C6: variants seen among roughly 807,000 people sequenced by gnomAD.
C6 encodes complement component C6.
In C6, 101 loss-of-function variants were observed where a neutral mutation model predicts 112.9. That is an observed-to-expected ratio of 0.89 (90% CI 0.76 to 1.06). C6 has a LOEUF of 1.06. Among genes scored for constraint, C6 ranks in the 50% least tolerant of loss-of-function variants. The probability of loss-of-function intolerance (pLI) is 0.00; values close to 1 mark genes in which losing one functional copy is unlikely to be tolerated. For synonymous variants in C6, 431 were observed against 384.1 expected, an observed-to-expected ratio of 1.12 and a Z score of -1.43; for missense variants, 1,202 against 1,104.6, an observed-to-expected ratio of 1.09 and a Z score of -1.25.
chr5:41,257,317 TC>T (rs1261685526), intron 1 of C6, among the ~76,000 whole-genome samples: 1 of 152,138 alleles, frequency 6.6e-6, no homozygotes, highest in African/African-American at 2.4e-5. Flanking sequence ...GATAATGACC[TC>T]CAGCTACATT....
chr5:41,246,231 C>T (rs1485688313), intron 1 of C6, among the ~76,000 whole-genome samples: 2 of 152,138 alleles, frequency 1.3e-5, no homozygotes, highest in African/African-American at 4.8e-5. Flanking sequence ...GGATTCCATG[C>T]CTCTTGGCTT....
At chr5:41,166,269 G>C (rs551349619) in intron 9 of C6, among the ~76,000 whole-genome samples, 5 of 152,176 alleles carry the variant, frequency 3.3e-5, no homozygotes, top group Middle Eastern at 3.4e-3. Flanking sequence ...GCCCTGTTTT[G>C]TATGGACTAA....
Position 41,155,002 on chromosome 5 carries a change from T to C in C6, c.2071A>G (p.Thr691Ala). ...YQYFRCLPDG[T>A]WRQGDVECQR... ...CATTCCACATCCCCTTGTCTCCAGG[T>C]CCCGTCTGGTAAGCATCTGAAGTAC... Residue 691 changes from threonine (T) to alanine (A), a missense_variant, in exon 14 of 18, where the codon ACC becomes GCC. Physicochemically the swap from Thr to Ala is moderately conservative, Grantham distance 58 (BLOSUM62 0). Coordinates refer to ENST00000337836, the MANE Select transcript of C6 (RefSeq NM_000065.5). 1 of 1,613,812 alleles carries C rather than the reference T, an allele frequency of 6.2e-7. No homozygotes were observed. Among genetic ancestry groups the C allele is most frequent in the Non-Finnish European group, 8.5e-7 (1 of 1,179,784 alleles).
At chr5:41,222,057 T>C (rs1739204502) in intron 1 of C6, among the ~76,000 whole-genome samples, 4 of 151,638 alleles carry the variant, frequency 2.6e-5, no homozygotes, top group Admixed American at 2.6e-4. Context: ...TCTCAGTTAC[T>C]TGGGAGGCTG....
chr5:41,231,213 G>A (rs1293932225), intron 1 of C6, among the ~76,000 whole-genome samples: 1 of 152,058 alleles, frequency 6.6e-6, no homozygotes, highest in Admixed American at 6.6e-5. Flanking sequence ...ATTATTGAAA[G>A]ATAAGGATTT....
In C6 at chr5:41,199,662, T is replaced by C; in HGVS notation, c.445+106A>G. On this transcript the variant is annotated intron_variant, in intron 4 of 17. Coordinates refer to ENST00000337836, the MANE Select transcript of C6 (RefSeq NM_000065.5). ...TTCCCATTCCACTCTGCTTAAAATG[T>C]GGTGGGATTTCTCTGTGATGGATTC... The C allele has an allele frequency of 8.2e-6, 9 of 1,095,694 alleles. No individual in the cohort carries two copies. In the South Asian group the frequency reaches 1.1e-4, roughly 14 times the overall value. The allele number at this position is 1,095,694 out of a possible 1,614,324, so 67.9% of individuals were successfully genotyped here.
chr5:41,172,372 AC>A, intron 8 of C6, 25 bp from the exon 9 acceptor site: 1 of 1,612,078 alleles, frequency 6.2e-7, no homozygotes, highest in Non-Finnish European at 8.5e-7. Flanking sequence ...ACAAACAGAA[AC>A]CACTGAGAAT....
intron 7 of C6, among the ~76,000 whole-genome samples, chr5:41,180,005 T>C (rs944177915): frequency 6.6e-5 from 10 of 152,124 alleles, no homozygotes; most frequent in Non-Finnish European, 1.2e-4. Flanking sequence ...GTTCGTTGAA[T>C]TAAAAATGCG....
At chr5:41,223,326 T>TA (rs1561187440) in intron 1 of C6, among the ~76,000 whole-genome samples, 1 of 152,180 alleles carries the variant, frequency 6.6e-6, no homozygotes, top group Non-Finnish European at 1.5e-5. Flanking sequence ...TGTACTTGAA[T>TA]AAAAATGCTT....
At chr5:41,260,900 G>T (rs1742017170) in intron 1 of C6, among the ~76,000 whole-genome samples, 1 of 152,122 alleles carries the variant, frequency 6.6e-6, no homozygotes, top group Non-Finnish European at 1.5e-5. Context: ...ATGAAAACAT[G>T]AACAAGTTAG....
intron 17 of C6, among the ~76,000 whole-genome samples, chr5:41,146,912 G>A (rs1314043595): frequency 6.6e-6 from 1 of 151,066 alleles, no homozygotes; most frequent in African/African-American, 2.4e-5. Flanking sequence ...GCAAAAAAAG[G>A]GAAGATAGCA....
chr5:41,216,912 G>A (rs1752215284), upstream of C6, among the ~76,000 whole-genome samples: 1 of 152,094 alleles, frequency 6.6e-6, no homozygotes, highest in African/African-American at 2.4e-5. Context: ...TAGCTACAGA[G>A]TCCCAGTCCC....
rs139577988 is a variant in C6 at position 41,204,071 on chromosome 5, G to A, written c.-20-821C>T. 2.1e-3 allele frequency among the ~76,000 whole-genome samples: 315 copies of A among 152,176 alleles called. 2 individuals are homozygous for A. Among genetic ancestry groups the A allele is most frequent in the African/African-American group, 7.3e-3 (303 of 41,532 alleles). The stretch of plus-strand genomic sequence containing the variant: ...TTATTTGCAAAACCATACCCACCCC[G>A]TTATTGCCAGTTTAATCGTTATATC... On this transcript the variant is annotated intron_variant, in intron 1 of 17. Transcript: ENST00000337836.
intron 1 of C6, among the ~76,000 whole-genome samples, chr5:41,239,111 C>CTTTTTTTTTTTTTTTT (rs34322889): frequency 1.6e-5 from 2 of 121,668 alleles, no homozygotes; most frequent in African/African-American, 3.1e-5. Flanking sequence ...TCTTTTCTTT[C>CTTTTTTTTTTTTTTTT]TTTTTTTTTT....
chr5:41,165,903 C>T (rs1747936362), intron 9 of C6, among the ~76,000 whole-genome samples: 1 of 152,082 alleles, frequency 6.6e-6, no homozygotes, highest in African/African-American at 2.4e-5. Flanking sequence ...CTTAATACAT[C>T]ACAGCATGAA....
chr5:41,253,177 C>A (rs1047186976), intron 1 of C6, among the ~76,000 whole-genome samples: 9 of 152,144 alleles, frequency 5.9e-5, no homozygotes, highest in Non-Finnish European at 2.9e-5. Flanking sequence ...TACTTTTCTT[C>A]ATTTATGTTA....
At chr5:41,175,227 G>A (rs557472833) in intron 8 of C6, among the ~76,000 whole-genome samples, 7 of 152,212 alleles carry the variant, frequency 4.6e-5, no homozygotes, top group African/African-American at 1.7e-4. Flanking sequence ...AATCAACCCT[G>A]GCGATCAAAG....
intron 1 of C6, among the ~76,000 whole-genome samples, chr5:41,208,576 G>A (rs925250470): frequency 1.3e-5 from 2 of 152,122 alleles, no homozygotes; most frequent in African/African-American, 4.8e-5. Context: ...ACTACCATCA[G>A]AAAATACTAT....
At chr5:41,214,251 T>C (rs1313442147), upstream of C6, among the ~76,000 whole-genome samples, 1 of 152,218 alleles carries the variant, frequency 6.6e-6, no homozygotes, top group Non-Finnish European at 1.5e-5. Context: ...CACTGGTCCC[T>C]CATTTGTAAA....
Sources: allele counts gnomAD v4.1 joint callset (sites outside exome capture counted in the v4.1 genomes callset), GRCh38; gene constraint gnomAD v4.1.1; transcripts MANE v1.5; gene names NCBI Gene and HGNC (gene_info 2026-07-23, HGNC 2026-07-21).